KCNAB1: variants seen among roughly 807,000 people sequenced by gnomAD.
The protein encoded by KCNAB1 is voltage-gated potassium channel subunit beta-1.
A neutral mutation model predicts 64.6 loss-of-function variants in KCNAB1; 35 were observed. The observed-to-expected ratio is 0.54, with a 90% CI of 0.41 to 0.72. The LOEUF is 0.72. KCNAB1 is among the 30% of genes least tolerant of loss of function. The pLI, the probability that KCNAB1 is intolerant of heterozygous loss-of-function variation, is 0.00. For missense variants in KCNAB1, 401 were observed against 512.9 expected (o/e 0.78, Z 2.11); for synonymous variants, 177 against 183.8 (o/e 0.96, Z 0.30).
chr3:156,136,878 C>T (rs67049008), intron 1 of KCNAB1, among the ~76,000 whole-genome samples: 16,782 of 152,218 alleles, frequency 0.11, 1,099 homozygotes, highest in African/African-American at 0.16. Flanking sequence ...GCCAGAGCTC[C>T]ACTCAAAGAT....
intron 11 of KCNAB1, among the ~76,000 whole-genome samples, chr3:156,521,643 G>A (rs1576971589): frequency 6.6e-6 from 1 of 152,158 alleles, no homozygotes; most frequent in Non-Finnish European, 1.5e-5. Flanking sequence ...AGCAAGCAGG[G>A]TTTATTACTG....
intron 1 of KCNAB1, among the ~76,000 whole-genome samples, chr3:156,374,032 G>A (rs773717142): frequency 3.3e-5 from 5 of 152,310 alleles, no homozygotes; most frequent in East Asian, 3.9e-4. Context: ...TGGACAAGTC[G>A]TTCAATCTCT....
intron 1 of KCNAB1, among the ~76,000 whole-genome samples, chr3:156,309,051 A>C (rs1012582320): frequency 1.3e-5 from 2 of 152,194 alleles, no homozygotes; most frequent in African/African-American, 4.8e-5. Flanking sequence ...AAAAGAAAAA[A>C]TAATCTTCCC....
chr3:156,346,621 A>T (rs1364680702), intron 1 of KCNAB1, among the ~76,000 whole-genome samples: 3 of 152,214 alleles, frequency 2.0e-5, no homozygotes, highest in Non-Finnish European at 2.9e-5. Context: ...TTCTTTCCTA[A>T]AAAACAAGTA....
intron 1 of KCNAB1, among the ~76,000 whole-genome samples, chr3:156,318,673 A>C (rs1722459042): frequency 6.6e-6 from 1 of 152,236 alleles, no homozygotes; most frequent in Non-Finnish European, 1.5e-5. Flanking sequence ...TAGACAAGCA[A>C]GCAAGCTGGA....
At chr3:156,282,852 A>T (rs1316278146) in intron 1 of KCNAB1, among the ~76,000 whole-genome samples, 7 of 150,676 alleles carry the variant, frequency 4.6e-5, no homozygotes, top group Admixed American at 1.3e-4. Flanking sequence ...TTTTGAGCCT[A>T]TGTGTGTCTC....
At chr3:156,290,248 C>T (rs1720325059) in intron 1 of KCNAB1, among the ~76,000 whole-genome samples, 2 of 152,186 alleles carry the variant, frequency 1.3e-5, no homozygotes, top group South Asian at 4.1e-4. Context: ...CCCAGATGGC[C>T]TGCTCCTTGA....
At chr3:156,372,264 G>A (rs969877374) in intron 1 of KCNAB1, among the ~76,000 whole-genome samples, 3 of 152,236 alleles carry the variant, frequency 2.0e-5, no homozygotes, top group Middle Eastern at 3.2e-3. Flanking sequence ...GGTTAAGGGC[G>A]TGGCTTTGGC....
intron 1 of KCNAB1, among the ~76,000 whole-genome samples, chr3:156,192,072 G>A (rs1210878565): frequency 6.6e-6 from 1 of 152,096 alleles, no homozygotes; most frequent in Non-Finnish European, 1.5e-5. Context: ...TTATAAAACT[G>A]AGTTTGAATT....
intron 1 of KCNAB1, among the ~76,000 whole-genome samples, chr3:156,292,985 A>C (rs1278322010): frequency 3.3e-5 from 5 of 152,252 alleles, no homozygotes. Context: ...AATTAAATGT[A>C]GACCTTGTGA....
chr3:156,537,135 A>T lies in KCNAB1; in HGVS notation c.*388A>T. The stretch of plus-strand genomic sequence containing the variant: ...ACAGATGCAATGTGAGTTGCGTAAG[A>T]AACAGAGTAGATAGACTAAATTCAG... On this transcript the variant is annotated 3_prime_UTR_variant, in exon 14 of 14. Transcript: ENST00000490337. 1 of 400,606 alleles carries T rather than the reference A, an allele frequency of 2.5e-6. No homozygotes were observed. The allele number at this position is 400,606 out of a possible 1,614,324, so 24.8% of individuals were successfully genotyped here.
chr3:156,241,449 C>T (rs1191734349), intron 1 of KCNAB1, among the ~76,000 whole-genome samples: 1 of 152,168 alleles, frequency 6.6e-6, no homozygotes, highest in African/African-American at 2.4e-5. Flanking sequence ...CAGATGACAC[C>T]CTAGGACAGC....
intron 1 of KCNAB1, among the ~76,000 whole-genome samples, chr3:156,252,799 C>A (rs1015172155): frequency 1.3e-5 from 2 of 152,194 alleles, no homozygotes; most frequent in African/African-American, 2.4e-5. Flanking sequence ...GGACTTATGG[C>A]AGAAGAGAGT....
At chr3:156,499,376 T>A (rs1283534154) in intron 8 of KCNAB1, among the ~76,000 whole-genome samples, 1 of 152,198 alleles carries the variant, frequency 6.6e-6, no homozygotes, top group Non-Finnish European at 1.5e-5. Flanking sequence ...CCCTCAGTTT[T>A]TTAGGGGTGA....
chr3:156,219,731 A>ATTG (rs1715579715), intron 1 of KCNAB1, among the ~76,000 whole-genome samples: 1 of 115,112 alleles, frequency 8.7e-6, no homozygotes, highest in Non-Finnish European at 1.8e-5. Flanking sequence ...TATTATTATT[A>ATTG]TTATACTTTA....
chr3:156,283,370 C>A (rs1451986432), intron 1 of KCNAB1, among the ~76,000 whole-genome samples: 1 of 150,864 alleles, frequency 6.6e-6, no homozygotes, highest in Non-Finnish European at 1.5e-5. Flanking sequence ...TGAGGGTAAC[C>A]CGACCCTTCT....
At chr3:156,420,387 T>C (rs373568314) in intron 1 of KCNAB1, among the ~76,000 whole-genome samples, 2 of 152,376 alleles carry the variant, frequency 1.3e-5, no homozygotes, top group African/African-American at 4.8e-5. Flanking sequence ...ATGCATTTTT[T>C]ATTATGTTGT....
At chr3:156,256,242 A>G (rs1046901473) in intron 1 of KCNAB1, among the ~76,000 whole-genome samples, 10 of 152,252 alleles carry the variant, frequency 6.6e-5, no homozygotes, top group African/African-American at 2.4e-4. Context: ...CAATGCTCCC[A>G]GAAATCTGGC....
rs140841493 is a variant in KCNAB1 at position 156,212,522 on chromosome 3, G to A, written c.275+91636G>A. The stretch of plus-strand genomic sequence containing the variant: ...GAGCAGAAACAGATTGGTTGGAGGT[G>A]CTCCTGGATGTTACTGGCTATGTGG... On this transcript the variant is annotated intron_variant, in intron 1 of 13. Transcript: ENST00000490337. 2.2e-3 allele frequency among the ~76,000 whole-genome samples: 331 copies of A among 152,304 alleles called. 2 individuals carry two copies. The highest frequency in any genetic ancestry group is 7.7e-3 in the African/African-American group (319 of 41,568).
Sources: allele counts gnomAD v4.1 joint callset (sites outside exome capture counted in the v4.1 genomes callset), GRCh38; gene constraint gnomAD v4.1.1; transcripts MANE v1.5; gene names NCBI Gene and HGNC (gene_info 2026-07-23, HGNC 2026-07-21).